THRB: variants seen among roughly 807,000 people sequenced by gnomAD.
THRB encodes the protein nuclear receptor subfamily 1 group A member 2.
In THRB, 12 loss-of-function variants were observed where a neutral mutation model predicts 47.8. That is an observed-to-expected ratio of 0.25 (90% CI 0.16 to 0.41). The LOEUF (loss-of-function observed/expected upper bound fraction) is 0.41. THRB is among the 10% of genes least tolerant of loss of function. The pLI is 1.00. For synonymous variants in THRB, 218 were observed against 212.2 expected (o/e 1.03, Z -0.24); for missense variants, 348 against 589.2 (o/e 0.59, Z 4.24).
chr3:24,410,888 G>A (rs541134104), intron 1 of THRB, among the ~76,000 whole-genome samples: 1 of 151,944 alleles, frequency 6.6e-6, no homozygotes, highest in Admixed American at 6.6e-5. Flanking sequence ...GATTTAGAGA[G>A]TACTCTTCAT....
chr3:24,186,966 A>T (rs2042669032), intron 5 of THRB, among the ~76,000 whole-genome samples: 1 of 146,286 alleles, frequency 6.8e-6, no homozygotes, highest in African/African-American at 2.5e-5. Context: ...AAAAAAAAAA[A>T]AGCAGTATTC....
intron 5 of THRB, among the ~76,000 whole-genome samples, chr3:24,153,003 A>AT (rs1235708192): frequency 7.6e-6 from 1 of 131,122 alleles, no homozygotes; most frequent in Non-Finnish European, 1.6e-5. Context: ...AGAAAGAAAG[A>AT]AAGATAGCTG....
intron 3 of THRB, among the ~76,000 whole-genome samples, chr3:24,280,513 T>A (rs2054451798): frequency 6.6e-6 from 1 of 151,944 alleles, no homozygotes; most frequent in South Asian, 2.1e-4. Context: ...AACTGGAAAC[T>A]CTAAAAAGCA....
intron 8 of THRB, among the ~76,000 whole-genome samples, chr3:24,138,786 GC>G: frequency 6.6e-6 from 1 of 152,284 alleles, no homozygotes. Flanking sequence ...GTCTGAAGCT[GC>G]CCCAATTGAG....
intron 1 of THRB, among the ~76,000 whole-genome samples, chr3:24,415,256 T>C (rs900455752): frequency 2.0e-5 from 3 of 151,834 alleles, no homozygotes; most frequent in Non-Finnish European, 2.9e-5. Context: ...GGAACAGGCA[T>C]AGGAAAATGC....
chr3:24,137,949 G>T (rs560327874), intron 8 of THRB, among the ~76,000 whole-genome samples: 1 of 152,224 alleles, frequency 6.6e-6, no homozygotes, highest in East Asian at 1.9e-4. Flanking sequence ...TGGCTGTGGG[G>T]TAAGGAATCC....
intron 2 of THRB, among the ~76,000 whole-genome samples, chr3:24,328,872 T>C (rs1019835102): frequency 2.6e-5 from 4 of 152,210 alleles, no homozygotes; most frequent in Non-Finnish European, 4.4e-5. Context: ...ATCAGATTAA[T>C]ATCCAAACGC....
intron 1 of THRB, among the ~76,000 whole-genome samples, chr3:24,361,371 T>C (rs2064052181): frequency 6.6e-6 from 1 of 152,174 alleles, no homozygotes; most frequent in South Asian, 2.1e-4. Context: ...ATATACATAA[T>C]ACACAGCCCA....
In THRB at chr3:24,118,355, A is replaced by AGTT. The variant is rs1037466675; in HGVS notation, c.*4526_*4528dup. ...CCAAATATACAAATTTTTTTTGGAT[A>AGTT]GTTTAAAACATTTTGATCACAGATT... On this transcript the variant is annotated 3_prime_UTR_variant, in exon 11 of 11. Coordinates refer to ENST00000646209, the MANE Select transcript of THRB (RefSeq NM_001354712.2). 4 of 152,630 alleles carry AGTT rather than the reference A, an allele frequency of 2.6e-5. No homozygotes were observed. The highest frequency in any genetic ancestry group is 3.2e-3 in the Middle Eastern group (1 of 316). The allele number at this position is 152,630 out of a possible 1,614,324, so 9.5% of individuals were successfully genotyped here. A position where few individuals can be genotyped will look rare whatever the true frequency, so the allele number is the denominator to read the frequency against.
chr3:24,392,376 G>C (rs1346654053), intron 1 of THRB, among the ~76,000 whole-genome samples: 1 of 152,066 alleles, frequency 6.6e-6, no homozygotes, highest in Non-Finnish European at 1.5e-5. Context: ...TATTTTCTTT[G>C]TGATGGGTAC....
intron 3 of THRB, among the ~76,000 whole-genome samples, chr3:24,277,655 A>C (rs1396489970): frequency 6.6e-6 from 1 of 152,142 alleles, no homozygotes; most frequent in Admixed American, 6.6e-5. Flanking sequence ...AAAGTTACCA[A>C]AGTTATATTT....
chr3:24,152,272 C>A (rs1023167268), intron 6 of THRB, 118 bp downstream of exon 6: 4 of 663,106 alleles, frequency 6.0e-6, no homozygotes, highest in Admixed American at 2.2e-5. Context: ...GATCACAGAC[C>A]ATGGATGTTA....
intron 3 of THRB, among the ~76,000 whole-genome samples, chr3:24,285,349 G>A (rs964957932): frequency 3.1e-4 from 46 of 149,020 alleles, no homozygotes; most frequent in Admixed American, 2.1e-3. Context: ...ACCAAACACC[G>A]CATATTCTCA....
At chr3:24,133,688 C>T (rs375562866) in intron 8 of THRB, among the ~76,000 whole-genome samples, 1 of 85,062 alleles carries the variant, frequency 1.2e-5, no homozygotes, top group African/African-American at 5.2e-5. Flanking sequence ...AGGACTGTTG[C>T]TGCAGAAAGA....
intron 2 of THRB, among the ~76,000 whole-genome samples, chr3:24,330,099 A>T (rs1048982367): frequency 2.0e-5 from 3 of 152,052 alleles, no homozygotes; most frequent in East Asian, 1.9e-4. Flanking sequence ...AGGTCAGGAG[A>T]TCGAGACCAT....
At chr3:24,288,113 C>T (rs995835268) in intron 3 of THRB, among the ~76,000 whole-genome samples, 1 of 152,156 alleles carries the variant, frequency 6.6e-6, no homozygotes, top group African/African-American at 2.4e-5. Context: ...TTATTCTGTC[C>T]CAAATATAGA....
At chr3:24,454,013 A>G (rs901811453) in intron 1 of THRB, among the ~76,000 whole-genome samples, 4 of 152,222 alleles carry the variant, frequency 2.6e-5, no homozygotes, top group Non-Finnish European at 4.4e-5. Flanking sequence ...TTTCATGGCA[A>G]TAAAAAAATG....
At chr3:24,283,427 C>T (rs1446592747) in intron 3 of THRB, among the ~76,000 whole-genome samples, 160 of 151,510 alleles carry the variant, frequency 1.1e-3, no homozygotes, top group African/African-American at 3.7e-3. Flanking sequence ...ATTGATGGGA[C>T]GTATCTCAAA....
chr3:24,136,231 G>A (rs1232124622), intron 8 of THRB, among the ~76,000 whole-genome samples: 1 of 152,146 alleles, frequency 6.6e-6, no homozygotes, highest in Non-Finnish European at 1.5e-5. Context: ...TATCAAGGTA[G>A]AATAAAAAAT....
Sources: allele counts gnomAD v4.1 joint callset (sites outside exome capture counted in the v4.1 genomes callset), GRCh38; gene constraint gnomAD v4.1.1; transcripts MANE v1.5; gene names NCBI Gene and HGNC (gene_info 2026-07-23, HGNC 2026-07-21).